USP34: variants seen among roughly 807,000 people sequenced by gnomAD.
The protein encoded by USP34 is ubiquitin carboxyl-terminal hydrolase 34.
In USP34, 70 loss-of-function variants were observed where a neutral mutation model predicts 460.3. The ratio of observed to expected loss-of-function variants is 0.15; its 90% CI spans 0.13 to 0.19. The LOEUF is 0.19. Ranked by LOEUF, USP34 falls within the 10% of genes least tolerant of loss-of-function variation. The pLI is 1.00. For synonymous variants in USP34, 1,647 were observed against 1,405.3 expected (o/e 1.17, Z -3.85); for missense variants, 3,985 against 4,236.2 (o/e 0.94, Z 1.65).
intron 1 of USP34, among the ~76,000 whole-genome samples, chr2:61,460,743 G>A (rs1695574285): frequency 6.6e-6 from 1 of 152,076 alleles, no homozygotes; most frequent in African/African-American, 2.4e-5. Context: ...CCAGTACTTT[G>A]GGAGGCCGAG....
In USP34 at chr2:61,273,144, AACTT is replaced by A. The variant is rs576465436; in HGVS notation, c.5433+5017_5433+5020del. Among the ~76,000 whole-genome samples, 13 of 152,318 alleles carry A rather than the reference AACTT, an allele frequency of 8.5e-5. No homozygotes were observed. In the East Asian group the frequency reaches 1.5e-3, roughly 18 times the overall value. On this transcript the variant is annotated intron_variant, in intron 41 of 79. Coordinates refer to ENST00000398571, the MANE Select transcript of USP34 (RefSeq NM_014709.4). ...AAAAAGGACAAAACTCCTAAGAATA[AACTT>A]ACTAAGAAATACTTAAAACCTAAAT... is the stretch of plus-strand genomic sequence containing the variant.
intron 27 of USP34, among the ~76,000 whole-genome samples, chr2:61,305,314 C>G (rs1690368582): frequency 6.7e-6 from 1 of 149,820 alleles, no homozygotes; most frequent in Non-Finnish European, 1.5e-5. Flanking sequence ...CAGTGCGAGA[C>G]TCAAGAAAAA....
chr2:61,379,471 G>T (rs921205963), intron 7 of USP34, among the ~76,000 whole-genome samples: 1 of 152,126 alleles, frequency 6.6e-6, no homozygotes, highest in African/African-American at 2.4e-5. Context: ...AGTAAGCCGA[G>T]ATCATGCCAT....
intron 1 of USP34, among the ~76,000 whole-genome samples, chr2:61,425,923 T>C (rs2121660): frequency 0.34 from 51,540 of 151,428 alleles, 9,083 homozygotes; most frequent in Admixed American, 0.4. Flanking sequence ...CTCTTGCATC[T>C]TGGATACCAG....
intron 43 of USP34, among the ~76,000 whole-genome samples, chr2:61,260,786 C>T (rs1050731112): frequency 1.3e-5 from 2 of 151,956 alleles, no homozygotes; most frequent in African/African-American, 2.4e-5. Context: ...AGTATTGATT[C>T]AGGATACAAA....
intron 10 of USP34, among the ~76,000 whole-genome samples, chr2:61,367,973 C>T (rs1040702087): frequency 6.6e-6 from 1 of 152,026 alleles, no homozygotes; most frequent in African/African-American, 2.4e-5. Context: ...AAAAATATTA[C>T]AAAGAGGCAA....
chr2:61,308,448 A>G (rs1690481876), intron 27 of USP34, among the ~76,000 whole-genome samples: 1 of 152,160 alleles, frequency 6.6e-6, no homozygotes, highest in Non-Finnish European at 1.5e-5. Flanking sequence ...TAAAACTTAA[A>G]AAGAAAAAAG....
Position 61,235,827 on chromosome 2 carries a change from G to A in USP34, c.7032+18C>T. On this transcript the variant is annotated intron_variant, in intron 57 of 79. Coordinates refer to ENST00000398571, the MANE Select transcript of USP34 (RefSeq NM_014709.4). ...AAGAATCTTAAACTATGCATTAGTT[G>A]TTGAATTATCACCTTACCTCACAAG... 1 of 1,605,370 alleles carries A rather than the reference G, an allele frequency of 6.2e-7. No homozygotes were observed. Among genetic ancestry groups the A allele is most frequent in the Non-Finnish European group, 8.5e-7 (1 of 1,176,962 alleles).
At chr2:61,453,482 G>T (rs962723639) in intron 1 of USP34, among the ~76,000 whole-genome samples, 3 of 151,864 alleles carry the variant, frequency 2.0e-5, no homozygotes, top group Non-Finnish European at 4.4e-5. Flanking sequence ...GGCCCAGGAG[G>T]GTGAATCACT....
intron 69 of USP34, 42 bp downstream of exon 69, chr2:61,211,730 T>C (rs1687277499): frequency 6.6e-7 from 1 of 1,513,834 alleles, no homozygotes; most frequent in African/African-American, 1.5e-5. Flanking sequence ...GGTCCTCATC[T>C]CACTGGAAAT....
chr2:61,469,766 C>G (rs560569617), intron 1 of USP34, among the ~76,000 whole-genome samples: 10 of 152,358 alleles, frequency 6.6e-5, no homozygotes, highest in Middle Eastern at 6.8e-3. Context: ...ATCCCTTCAT[C>G]TAATTCACCT....
chr2:61,366,032 A>T (rs1047542556), intron 10 of USP34, among the ~76,000 whole-genome samples: 1 of 151,678 alleles, frequency 6.6e-6, no homozygotes, highest in Admixed American at 6.6e-5. Context: ...GCTTACTACA[A>T]CCTCTGCCTC....
At chr2:61,405,043 C>T (rs1184597020) in intron 3 of USP34, among the ~76,000 whole-genome samples, 1 of 151,622 alleles carries the variant, frequency 6.6e-6, no homozygotes. Flanking sequence ...CTGGCTAACA[C>T]GGTGAAACCC....
chr2:61,390,973 T>C (rs1217855603), intron 5 of USP34, among the ~76,000 whole-genome samples: 1 of 151,894 alleles, frequency 6.6e-6, no homozygotes, highest in Admixed American at 6.6e-5. Flanking sequence ...TGCGTGCCTG[T>C]AGTCCCAGCT....
In USP34 at chr2:61,470,705, G is replaced by GCCC; in HGVS notation, c.-16_-14dup. 13 of 1,534,144 alleles carry GCCC rather than the reference G, an allele frequency of 8.5e-6. No individual in the cohort carries two copies. Among genetic ancestry groups the GCCC allele is most frequent in the Non-Finnish European group, 9.8e-6 (11 of 1,126,076 alleles). ...AGTTCTCGCACATCGTTCGGCCGCCGCCCCCCCCCTCCCCCGCTTCGGATC... is the reference window on the plus strand; with the variant it reads ...AGTTCTCGCACATCGTTCGGCCGCCGCCCCCCCCCCCCTCCCCCGCTTCGGATC... On this transcript the variant is annotated 5_prime_UTR_variant, in exon 1 of 80. Transcript: ENST00000398571.
chr2:61,261,818 T>C (rs1343260005), intron 43 of USP34, among the ~76,000 whole-genome samples: 2 of 151,938 alleles, frequency 1.3e-5, no homozygotes. Context: ...CTGTTAAGAA[T>C]TTTTGGCTGG....
chr2:61,223,572 A>AT, intron 62 of USP34: 1 of 307,526 alleles, frequency 3.3e-6, no homozygotes, highest in Non-Finnish European at 5.9e-6. Flanking sequence ...TATTTTACTT[A>AT]CTTTTTTTTT....
intron 8 of USP34, among the ~76,000 whole-genome samples, 157 bp downstream of exon 8, chr2:61,378,206 C>G (rs953906066): frequency 1.3e-5 from 2 of 151,924 alleles, no homozygotes; most frequent in Non-Finnish European, 2.9e-5. Flanking sequence ...ATGTTACAGA[C>G]AGCATAATGT....
At chr2:61,350,195 A>G (rs1249558848) in intron 12 of USP34, 65 bp downstream of exon 12, 13 of 1,499,352 alleles carry the variant, frequency 8.7e-6, no homozygotes, top group Non-Finnish European at 1.2e-5. Context: ...GTATTAGCAG[A>G]AAATATTTCA....
Sources: allele counts gnomAD v4.1 joint callset (sites outside exome capture counted in the v4.1 genomes callset), GRCh38; gene constraint gnomAD v4.1.1; transcripts MANE v1.5; gene names NCBI Gene and HGNC (gene_info 2026-07-23, HGNC 2026-07-21).